VCPIP1: variants seen among roughly 807,000 people sequenced by gnomAD.
The protein encoded by VCPIP1 is valosin containing protein interacting protein 1.
VCPIP1 carries 8 observed loss-of-function variants against 85.0 expected under a neutral mutation model. The ratio of observed to expected loss-of-function variants is 0.09; its 90% CI spans 0.06 to 0.17. The LOEUF (loss-of-function observed/expected upper bound fraction) is 0.17, where lower values mean the gene tolerates loss of function less well. Among genes scored for constraint, VCPIP1 ranks in the 10% least tolerant of loss-of-function variants. The pLI, the probability that VCPIP1 is intolerant of heterozygous loss-of-function variation, is 1.00. For synonymous variants in VCPIP1, 543 were observed against 544.5 expected (o/e 1.00, Z 0.04); for missense variants, 1,070 against 1,486.3 (o/e 0.72, Z 4.61).
intron 2 of VCPIP1, among the ~76,000 whole-genome samples, chr8:66,640,588 C>A (rs1810937495): frequency 6.6e-6 from 1 of 152,188 alleles, no homozygotes; most frequent in Admixed American, 6.5e-5. Context: ...TGCCCTGCCC[C>A]CCATCCTGTA....
chr8:66,648,086 A>G (rs796684951), intron 2 of VCPIP1, among the ~76,000 whole-genome samples: 28 of 152,088 alleles, frequency 1.8e-4, no homozygotes, highest in African/African-American at 6.7e-4. Flanking sequence ...TGTGAGCCAC[A>G]GTACCTGGCC....
chr8:66,650,760 C>T (rs1811044592), intron 2 of VCPIP1, among the ~76,000 whole-genome samples: 1 of 148,482 alleles, frequency 6.7e-6, no homozygotes, highest in Non-Finnish European at 1.5e-5. Context: ...ATACACATGG[C>T]CGGGCGTGGT....
Position 66,657,030 on chromosome 8 carries a change from C to T in VCPIP1, c.2711-5486G>A, listed in dbSNP as rs531704079. 4.6e-5 allele frequency among the ~76,000 whole-genome samples: 7 copies of T among 152,010 alleles called. No individual in the cohort carries two copies. The East Asian group carries it at 5.8e-4, about 13-fold the overall frequency. ...AAGCAATTCTCGTGCCTCAGCCTCCCGAGTAGCTGGGATTACAGGTGTGCG... is the reference window on the plus strand; with the variant it reads ...AAGCAATTCTCGTGCCTCAGCCTCCTGAGTAGCTGGGATTACAGGTGTGCG... On this transcript the variant is annotated intron_variant, in intron 1 of 2. Transcript: ENST00000310421.
chr8:66,632,246 CTTCT>C lies in VCPIP1; in HGVS notation c.*2251_*2254del, dbSNP rs1366723533. The C allele has an allele frequency of 6.6e-6, 1 of 152,048 alleles. No individual in the cohort carries two copies. The allele number at this position is 152,048 out of a possible 1,614,324, so 9.4% of individuals were successfully genotyped here. ...ACTTAAAAGAAACCCTATTCTAAAA[CTTCT>C]TTGTGAGGATACCTGGCCTACTTCT... On this transcript the variant is annotated 3_prime_UTR_variant, in exon 3 of 3. Coordinates refer to ENST00000310421, the MANE Select transcript of VCPIP1 (RefSeq NM_025054.5).
At chr8:66,663,380 CA>C (rs1212111922) in intron 1 of VCPIP1, among the ~76,000 whole-genome samples, 1 of 152,034 alleles carries the variant, frequency 6.6e-6, no homozygotes, top group Non-Finnish European at 1.5e-5. Context: ...TTAATCTCAG[CA>C]AAAATAAAAC....
In VCPIP1 at chr8:66,631,356, G is replaced by A. The variant is rs79199105; in HGVS notation, c.*3145C>T. 655 of 153,836 alleles carry A rather than the reference G, an allele frequency of 4.3e-3. 4 individuals are homozygous for A. Among genetic ancestry groups the A allele is most frequent in the Non-Finnish European group, 6.6e-3 (452 of 67,970 alleles). The allele number at this position is 153,836 out of a possible 1,614,324, so 9.5% of individuals were successfully genotyped here. A position where few individuals can be genotyped will look rare whatever the true frequency, so the allele number is the denominator to read the frequency against. Reference sequence around the variant, plus strand: ...TTAGTGAGGTCTACATATTTAGAGAGTTATTCAGTAGCAGATAGTATTGGT... The same window carrying A: ...TTAGTGAGGTCTACATATTTAGAGAATTATTCAGTAGCAGATAGTATTGGT... On this transcript the variant is annotated 3_prime_UTR_variant, in exon 3 of 3. Transcript: ENST00000310421.
chr8:66,630,790 A>T lies in VCPIP1; in HGVS notation c.*3711T>A, dbSNP rs1050307342. The T allele has an allele frequency of 1.3e-5, 2 of 152,592 alleles. No homozygotes were observed. Among genetic ancestry groups the T allele is most frequent in the African/African-American group, 2.4e-5 (1 of 41,468 alleles). 9.5% of individuals were successfully genotyped at this position (152,592 alleles called of 1,614,324 possible). A position where few individuals can be genotyped will look rare whatever the true frequency, so the allele number is the denominator to read the frequency against. Reference sequence around the variant, plus strand: ...AGTATCATTAAATATGAACTGAAACACTTAGCATCTCAAAGAATTATCAAG... The same window carrying T: ...AGTATCATTAAATATGAACTGAAACTCTTAGCATCTCAAAGAATTATCAAG... On this transcript the variant is annotated 3_prime_UTR_variant, in exon 3 of 3. Transcript: ENST00000310421.
Position 66,635,205 on chromosome 8 carries a change from C to G in VCPIP1, c.2965G>C (p.Glu989Gln). 1 of 1,614,206 alleles carries G rather than the reference C, an allele frequency of 6.2e-7. No individual in the cohort carries two copies. The highest frequency in any genetic ancestry group is 8.5e-7 in the Non-Finnish European group (1 of 1,180,048). ...VKEAVSQVRAEATTRSRESSP... is the reference protein window; with the variant it reads ...VKEAVSQVRAQATTRSRESSP... ...GATTCCCTACTTCTTGTAGTAGCCTCTGCTCGAACCTGACTTACAGCCTCT... is the reference window on the plus strand; with the variant it reads ...GATTCCCTACTTCTTGTAGTAGCCTGTGCTCGAACCTGACTTACAGCCTCT... The change falls in exon 3 of 3, where the codon GAG (glutamate) becomes CAG (glutamine). Residue 989 changes from glutamate to glutamine, a missense_variant. Glu to Gln is a conservative substitution (Grantham distance 29, BLOSUM62 2). Coordinates refer to ENST00000310421, the MANE Select transcript of VCPIP1 (RefSeq NM_025054.5).
At position 66,666,979 on chromosome 8, in the gene VCPIP1, C is replaced by G; in HGVS notation, c.-21G>C. ...GACATAGCTCCTGGCTCTCGTGTCT[C>G]GCTCCGCGTCCCAGGCGACCCTCAA... On this transcript the variant is annotated 5_prime_UTR_variant, in exon 1 of 3. Transcript: ENST00000310421. The surrounding 1 kb of genome is among the most constrained non-coding windows in gnomAD (Gnocchi z 6.3). The G allele has an allele frequency of 8.6e-6, 13 of 1,511,920 alleles. No individual in the cohort carries two copies. The highest frequency in any genetic ancestry group is 1.1e-5 in the Non-Finnish European group (13 of 1,138,038). 93.7% of individuals were successfully genotyped at this position (1,511,920 alleles called of 1,614,324 possible).
At chr8:66,657,169 T>G (rs1386849177) in intron 1 of VCPIP1, among the ~76,000 whole-genome samples, 1 of 152,110 alleles carries the variant, frequency 6.6e-6, no homozygotes, top group Non-Finnish European at 1.5e-5. Flanking sequence ...CCTCCCAAAG[T>G]ACTGGGATTA....
At chr8:66,661,586 A>T (rs1811157754) in intron 1 of VCPIP1, among the ~76,000 whole-genome samples, 1 of 151,694 alleles carries the variant, frequency 6.6e-6, no homozygotes. Flanking sequence ...ATACAAAAAA[A>T]TTAGCCAGGT....
Position 66,651,345 on chromosome 8 carries a change from T to C in VCPIP1, c.2797+113A>G, listed in dbSNP as rs530110692. On this transcript the variant is annotated intron_variant, in intron 2 of 2. Transcript: ENST00000310421. ...AATTAGGCAAACTGCTAAAAGAATATAAACCTAAAATTAACTTTGAAAATA... is the reference window on the plus strand; with the variant it reads ...AATTAGGCAAACTGCTAAAAGAATACAAACCTAAAATTAACTTTGAAAATA... The C allele has an allele frequency of 1.4e-4, 116 of 827,590 alleles. 1 individual carries two copies. The highest frequency in any genetic ancestry group is 1.3e-3 in the South Asian group (64 of 47,686). 51.3% of individuals were successfully genotyped at this position (827,590 alleles called of 1,614,324 possible).
At position 66,637,438 on chromosome 8, in the gene VCPIP1, A is replaced by G. The variant is rs182117536; in HGVS notation, c.2798-2066T>C. Among the ~76,000 whole-genome samples, 49 of 151,800 alleles carry G rather than the reference A, an allele frequency of 3.2e-4. 1 individual carries two copies. The highest frequency in any genetic ancestry group is 2.6e-3 in the Admixed American group (40 of 15,226). ...GCCGGGCACAGTGGCTCACACCTGT[A>G]ATCCCAGCACTTTGGGAGGCCTGGG... On this transcript the variant is annotated intron_variant, in intron 2 of 2. Coordinates refer to ENST00000310421, the MANE Select transcript of VCPIP1 (RefSeq NM_025054.5).
chr8:66,658,249 G>C (rs922603574), intron 1 of VCPIP1, among the ~76,000 whole-genome samples: 2 of 150,774 alleles, frequency 1.3e-5, no homozygotes, highest in African/African-American at 4.9e-5. Context: ...CAGGAGAATC[G>C]CTTGAAACTG....
In VCPIP1 at chr8:66,634,707, T is replaced by A. The variant is rs780427181; in HGVS notation, c.3463A>T (p.Thr1155Ser). 11 of 1,614,192 alleles carry A rather than the reference T, an allele frequency of 6.8e-6. No individual in the cohort carries two copies. In the South Asian group the frequency reaches 1.2e-4, roughly 18 times the overall value. ...AAAGGAAAAGATTCAGGCAAACCAG[T>A]CTGAAGACTCCCAGACTTTGCAGAA... ...SSSAKSGSLQ[T>S]GLPESFPLTG... is the part of the protein sequence containing the mutation. The change falls in exon 3 of 3, where the codon ACT (threonine) becomes TCT (serine). Residue 1155 changes from threonine to serine, a missense_variant. Around this residue, in one of 8 missense-constraint regions of VCPIP1, gnomAD observed 255 missense variants for 289.5 expected, o/e 0.88. Coordinates refer to ENST00000310421, the MANE Select transcript of VCPIP1 (RefSeq NM_025054.5).
rs376799021 is a variant in VCPIP1 at position 66,634,980 on chromosome 8, A to T, written c.3190T>A (p.Ser1064Thr). 5.0e-6 allele frequency: 8 copies of T among 1,613,286 alleles called. No individual in the cohort carries two copies. In the African/African-American group the frequency reaches 6.7e-5, roughly 13 times the overall value. ...AATACAGAAGGCTCTGTTTTAGTGG[A>T]ACTATTACTAAAGTCTGTCCCTGTA... ...HNTGTDFSNS[S>T]TKTEPSVFTA... Residue 1064 changes from serine to threonine, a missense_variant, in exon 3 of 3, where the codon TCC (serine) becomes ACC (threonine). By Grantham distance (58) the Ser-to-Thr change is moderately conservative. This residue lies in a region of VCPIP1 where 255 missense variants were observed against 289.5 expected (regional missense o/e 0.88). Coordinates refer to ENST00000310421, the MANE Select transcript of VCPIP1 (RefSeq NM_025054.5).
At position 66,634,674 on chromosome 8, in the gene VCPIP1, C is replaced by T. The variant is rs1810866495; in HGVS notation, c.3496G>A (p.Gly1166Ser). ...GTTTCTGTATTCAAATTTTCAGTAC[C>T]ACCAGTTAAAGGAAAAGATTCAGGC... ...GLPESFPLTG[G>S]TENLNTETTD... Residue 1166 changes from glycine to serine, a missense_variant, in exon 3 of 3, where the codon GGT becomes AGT. By Grantham distance (56) the Gly-to-Ser change is moderately conservative (BLOSUM62 0). Transcript: ENST00000310421. The T allele has an allele frequency of 1.2e-6, 2 of 1,613,138 alleles. No individual in the cohort carries two copies. Among genetic ancestry groups the T allele is most frequent in the Non-Finnish European group, 1.7e-6 (2 of 1,180,032 alleles).
intron 2 of VCPIP1, among the ~76,000 whole-genome samples, chr8:66,650,438 G>C (rs1811040911): frequency 6.6e-6 from 1 of 152,134 alleles, no homozygotes; most frequent in Non-Finnish European, 1.5e-5. Flanking sequence ...GGGGCCGAAA[G>C]CATTAACATA....
chr8:66,637,354 AAAC>A (rs1276219261), intron 2 of VCPIP1, among the ~76,000 whole-genome samples: 2 of 152,100 alleles, frequency 1.3e-5, no homozygotes, highest in Non-Finnish European at 2.9e-5. Context: ...TCTAAAAACA[AAAC>A]AAAACAAAAA....
Sources: allele counts gnomAD v4.1 joint callset (sites outside exome capture counted in the v4.1 genomes callset), GRCh38; gene constraint gnomAD v4.1.1; regional missense constraint gnomAD v4.1.1; non-coding constraint Gnocchi (gnomAD v3.1); transcripts MANE v1.5; gene names NCBI Gene and HGNC (gene_info 2026-07-23, HGNC 2026-07-21).